The following THSD4 variants were observed in gnomAD, a reference collection of about 807,000 sequenced individuals.
THSD4 encodes thrombospondin type 1 domain containing 4.
Under a neutral mutation model 119.0 loss-of-function variants are expected in THSD4, and 69 were observed. The ratio of observed to expected loss-of-function variants is 0.58; its 90% CI spans 0.48 to 0.71. The LOEUF (loss-of-function observed/expected upper bound fraction) is 0.71. Ranked by LOEUF, THSD4 falls within the 30% of genes least tolerant of loss-of-function variation. The probability of loss-of-function intolerance (pLI) is 0.00; values close to 1 mark genes in which losing one functional copy is unlikely to be tolerated. For synonymous variants in THSD4, 524 were observed against 540.4 expected, an observed-to-expected ratio of 0.97 and a Z score of 0.42; for missense variants, 1,393 against 1,391.1, an observed-to-expected ratio of 1.00 and a Z score of -0.02.
At chr15:71,290,049 G>T (rs1032990362) in intron 6 of THSD4, among the ~76,000 whole-genome samples, 3 of 152,094 alleles carry the variant, frequency 2.0e-5, no homozygotes, top group Non-Finnish European at 4.4e-5. Flanking sequence ...TGCCCCCAAA[G>T]AACATTTCAC....
chr15:71,382,566 T>C (rs2046241805), intron 6 of THSD4, among the ~76,000 whole-genome samples: 1 of 152,164 alleles, frequency 6.6e-6, no homozygotes, highest in South Asian at 2.1e-4. Flanking sequence ...TAGATAAGAC[T>C]ACTCTTCCTT....
intron 8 of THSD4, among the ~76,000 whole-genome samples, chr15:71,688,068 A>G (rs1463960792): frequency 6.6e-6 from 1 of 152,190 alleles, no homozygotes; most frequent in Admixed American, 6.5e-5. Context: ...TCTACCTTCT[A>G]TTTTAATGAA....
At chr15:71,697,447 C>T (rs1424282739) in intron 8 of THSD4, among the ~76,000 whole-genome samples, 1 of 152,176 alleles carries the variant, frequency 6.6e-6, no homozygotes, top group East Asian at 1.9e-4. Flanking sequence ...GGTGCATAGG[C>T]ACATCGACAT....
At chr15:71,605,088 G>A (rs1378624824) in intron 7 of THSD4, among the ~76,000 whole-genome samples, 1 of 151,902 alleles carries the variant, frequency 6.6e-6, no homozygotes, top group East Asian at 1.9e-4. Context: ...ATAACAAGCA[G>A]AAAGACCCAA....
At chr15:71,367,477 C>T (rs998815370) in intron 6 of THSD4, among the ~76,000 whole-genome samples, 1 of 152,200 alleles carries the variant, frequency 6.6e-6, no homozygotes, top group African/African-American at 2.4e-5. Context: ...TGTTCCCCTT[C>T]CTGTGTCCAA....
intron 7 of THSD4, among the ~76,000 whole-genome samples, chr15:71,635,870 T>C (rs2050729564): frequency 6.6e-6 from 1 of 152,204 alleles, no homozygotes; most frequent in African/African-American, 2.4e-5. Context: ...TTAGATGTTA[T>C]CATATGCCCA....
At chr15:71,564,757 TATA>T (rs2049198645) in intron 7 of THSD4, among the ~76,000 whole-genome samples, 1 of 56,546 alleles carries the variant, frequency 1.8e-5, no homozygotes, top group African/African-American at 7.4e-5. Context: ...TAGTATAACA[TATA>T]ATACAATATA....
chr15:71,664,712 A>G (rs1045127065), intron 8 of THSD4, among the ~76,000 whole-genome samples: 6 of 152,036 alleles, frequency 3.9e-5, no homozygotes, highest in African/African-American at 1.4e-4. Flanking sequence ...GTCTTCCATC[A>G]TTTAGCTCCC....
chr15:71,159,497 C>T (rs2141388560), intron 3 of THSD4, among the ~76,000 whole-genome samples: 1 of 152,174 alleles, frequency 6.6e-6, no homozygotes, highest in Non-Finnish European at 1.5e-5. Flanking sequence ...AGAGCTCTTT[C>T]ACCTCCTTAC....
intron 15 of THSD4, 79 bp downstream of exon 15, chr15:71,758,154 G>A: frequency 6.9e-7 from 1 of 1,447,770 alleles, no homozygotes; most frequent in Non-Finnish European, 9.2e-7. Flanking sequence ...CCAGGACTTT[G>A]TGTCAGGTGT....
At chr15:71,315,193 A>G (rs2045169044) in intron 6 of THSD4, among the ~76,000 whole-genome samples, 1 of 152,112 alleles carries the variant, frequency 6.6e-6, no homozygotes, top group African/African-American at 2.4e-5. Context: ...GCCTGCCTTC[A>G]TCTCTCCTCA....
intron 10 of THSD4, 44 bp from the exon 11 acceptor site, chr15:71,737,688 C>A: frequency 6.5e-7 from 1 of 1,549,040 alleles, no homozygotes; most frequent in South Asian, 1.3e-5. Context: ...AACTCAGGGT[C>A]TAAACTGATC....
chr15:71,274,249 A>G (rs894489), intron 6 of THSD4, among the ~76,000 whole-genome samples: 142,759 of 152,306 alleles, frequency 0.94, 67,385 homozygotes, highest in East Asian at 1. Flanking sequence ...CACCTGGCTC[A>G]TCAACTGTCA....
intron 7 of THSD4, among the ~76,000 whole-genome samples, chr15:71,551,624 G>C (rs576693031): frequency 6.6e-6 from 1 of 152,270 alleles, no homozygotes; most frequent in South Asian, 2.1e-4. Context: ...TAAAGTCTGG[G>C]GGAAACGAGA....
At chr15:71,690,364 G>A (rs1344840876) in intron 8 of THSD4, among the ~76,000 whole-genome samples, 2 of 152,172 alleles carry the variant, frequency 1.3e-5, no homozygotes, top group African/African-American at 4.8e-5. Flanking sequence ...CCACCTCCTG[G>A]GATGGTGCCT....
chr15:71,563,612 TAGAC>T (rs10616381), intron 7 of THSD4, among the ~76,000 whole-genome samples: 31,892 of 151,974 alleles, frequency 0.21, 3,491 homozygotes, highest in East Asian at 0.44. Flanking sequence ...CACACTGAAG[TAGAC>T]AGACAGTAAA....
chr15:71,341,219 G>T (rs1406413213), intron 6 of THSD4: 11 of 1,581,592 alleles, frequency 7.0e-6, no homozygotes, highest in Non-Finnish European at 9.4e-6. Flanking sequence ...TTTCTTCTGG[G>T]CAACCTCCTC....
Position 71,782,136 on chromosome 15 carries a change from G to C in THSD4, c.*4762G>C, listed in dbSNP as rs2054006874. 6.6e-6 allele frequency: 1 copy of C among 152,212 alleles called. No individual in the cohort carries two copies. 9.4% of individuals were successfully genotyped at this position (152,212 alleles called of 1,614,324 possible). On this transcript the variant is annotated 3_prime_UTR_variant, in exon 18 of 18. Transcript: ENST00000261862. ...GCCATGGCTTGCCTAGGACCCTATA[G>C]ATACCATCACTCTTTCTCAGCTCGA... is the stretch of plus-strand genomic sequence containing the variant.
At chr15:71,152,534 C>T (rs2040733392) in intron 2 of THSD4, among the ~76,000 whole-genome samples, 1 of 152,190 alleles carries the variant, frequency 6.6e-6, no homozygotes, top group Non-Finnish European at 1.5e-5. Context: ...CTGTTGTAGC[C>T]TCAGACCCCT....
Sources: allele counts gnomAD v4.1 joint callset (sites outside exome capture counted in the v4.1 genomes callset), GRCh38; gene constraint gnomAD v4.1.1; transcripts MANE v1.5; gene names NCBI Gene and HGNC (gene_info 2026-07-23, HGNC 2026-07-21).